The following ABCB8 variants were observed in gnomAD, a reference collection of about 807,000 sequenced individuals.
The protein encoded by ABCB8 is ATP binding cassette subfamily B member 8.
In ABCB8, 52 loss-of-function variants were observed where a neutral mutation model predicts 73.0. The observed-to-expected ratio is 0.71, with a 90% CI of 0.57 to 0.90. The LOEUF (loss-of-function observed/expected upper bound fraction) is 0.90, where lower values mean the gene tolerates loss of function less well. ABCB8 is among the 40% of genes least tolerant of loss of function. The pLI, the probability that ABCB8 is intolerant of heterozygous loss-of-function variation, is 0.00. For missense variants in ABCB8, 909 were observed against 974.6 expected, an observed-to-expected ratio of 0.93 and a Z score of 0.90; for synonymous variants, 428 against 423.5, an observed-to-expected ratio of 1.01 and a Z score of -0.13.
Position 151,047,410 on chromosome 7 carries a change from C to T in ABCB8, c.*2061C>T, listed in dbSNP as rs895685698. On this transcript the variant is annotated 3_prime_UTR_variant, in exon 16 of 16. Coordinates refer to ENST00000358849, the MANE Select transcript of ABCB8 (RefSeq NM_007188.5). ...TACAGTAAATACTTGCAAAGCATGG[C>T]ACTGTGGCTCTGGGGAGCTGGTACG... The T allele has an allele frequency of 8.5e-5, 13 of 152,234 alleles. No homozygotes were observed. Among genetic ancestry groups the T allele is most frequent in the Non-Finnish European group, 2.9e-5 (2 of 68,056 alleles). 9.4% of individuals were successfully genotyped at this position (152,234 alleles called of 1,614,324 possible). A position where few individuals can be genotyped will look rare whatever the true frequency, so the allele number is the denominator to read the frequency against.
chr7:151,044,336 C>G, intron 15 of ABCB8, 115 bp downstream of exon 15: 1 of 1,485,514 alleles, frequency 6.7e-7, no homozygotes, highest in South Asian at 1.3e-5. Context: ...GCCTTGGGGG[C>G]TATATTCTGG....
chr7:151,029,937 G>A (rs1796111577), intron 1 of ABCB8, among the ~76,000 whole-genome samples: 1 of 152,182 alleles, frequency 6.6e-6, no homozygotes, highest in Non-Finnish European at 1.5e-5. Flanking sequence ...GGATCGAGCT[G>A]GAGCTGGAAG....
intron 14 of ABCB8, among the ~76,000 whole-genome samples, chr7:151,043,168 A>G (rs1796513773): frequency 6.6e-6 from 1 of 152,058 alleles, no homozygotes; most frequent in South Asian, 2.1e-4. Context: ...GGAGGCTGGG[A>G]AGGTGGCTTG....
rs769957873 is a variant in ABCB8 at position 151,033,589 on chromosome 7, C to T, written c.96-16C>T. The stretch of plus-strand genomic sequence containing the variant: ...AGTCGGAGCCTCAAGCCATCCATGC[C>T]TCTCTCTCCTTACAGGTACTCTGAT... On this transcript the variant is annotated splice_polypyrimidine_tract_variant and intron_variant, in intron 1 of 15. Transcript: ENST00000358849. 1 of 1,536,604 alleles carries T rather than the reference C, an allele frequency of 6.5e-7. No individual in the cohort carries two copies. The highest frequency in any genetic ancestry group is 2.3e-5 in the East Asian group (1 of 43,942).
In ABCB8 at chr7:151,040,919, G is replaced by T; in HGVS notation, c.1480G>T (p.Gly494Ter). 6.2e-7 allele frequency: 1 copy of T among 1,601,192 alleles called. No homozygotes were observed. The highest frequency in any genetic ancestry group is 1.1e-5 in the South Asian group (1 of 89,608). Residue 494 changes from glycine (G) to a stop codon, truncating the protein, a stop_gained, in exon 12 of 16, where the codon GGA becomes TGA. Transcript: ENST00000358849. LOFTEE classifies it high-confidence loss of function. The stretch of plus-strand genomic sequence containing the variant: ...CGTGGCCCTCGTGGGCCAGTCTGGC[G>T]GAGGTAAGGGGAGCCCACCACCTCT... ...KIVALVGQSG[G>*]GKTTVASLLE...
intron 14 of ABCB8, among the ~76,000 whole-genome samples, chr7:151,043,030 G>T (rs1019790198): frequency 2.0e-5 from 3 of 152,226 alleles, no homozygotes; most frequent in Non-Finnish European, 4.4e-5. Flanking sequence ...TCACCTTGAG[G>T]TTCTTTTTGG....
chr7:151,032,315 C>G (rs903611467), intron 1 of ABCB8, among the ~76,000 whole-genome samples: 14 of 152,236 alleles, frequency 9.2e-5, no homozygotes, highest in African/African-American at 3.4e-4. Context: ...CTCCCGCACT[C>G]AAGCATGACT....
chr7:151,036,207 G>C lies in ABCB8; in HGVS notation c.1111+37G>C, dbSNP rs777908393. Reference sequence around the variant, plus strand: ...ATTTGGGGGCTGGAGGGGCGCTTGTGGGCTGGGGAGGAGCTGGGAGCAGCC... The same window carrying C: ...ATTTGGGGGCTGGAGGGGCGCTTGTCGGCTGGGGAGGAGCTGGGAGCAGCC... On this transcript the variant is annotated intron_variant, in intron 8 of 15. Transcript: ENST00000358849. 3 of 1,561,562 alleles carry C rather than the reference G, an allele frequency of 1.9e-6. No individual in the cohort carries two copies. In the Admixed American group the frequency reaches 5.4e-5, roughly 28 times the overall value.
Position 151,045,343 on chromosome 7 carries a change from G to T in ABCB8, c.2151G>T (p.Lys717Asn). 1.3e-6 allele frequency: 2 copies of T among 1,563,980 alleles called. No individual in the cohort carries two copies. Among genetic ancestry groups the T allele is most frequent in the Non-Finnish European group, 1.7e-6 (2 of 1,153,874 alleles). ...KPEGPRSHQH[K>N]S ...AAGGCCCCAGGAGCCACCAGCACAA[G>T]TCCTGAGAAGGGCCCCCTGAGGTGT... The change falls in exon 16 of 16, where the codon AAG (lysine) becomes AAT (asparagine). Residue 717 changes from lysine to asparagine, a missense_variant. Transcript: ENST00000358849.
At chr7:151,028,776 A>G (rs1796046921) in intron 1 of ABCB8, 166 bp downstream of exon 1, 1 of 1,538,718 alleles carries the variant, frequency 6.5e-7, no homozygotes, top group African/African-American at 1.4e-5. Flanking sequence ...TCAATTATTT[A>G]TAGTGACACT....
intron 1 of ABCB8, chr7:151,029,071 C>G: frequency 9.9e-7 from 1 of 1,009,280 alleles, no homozygotes; most frequent in Non-Finnish European, 1.2e-6. Context: ...CTCCTGTAAT[C>G]CCAGCACTTT....
Position 151,040,712 on chromosome 7 carries a change from G to A in ABCB8, c.1388+78G>A, listed in dbSNP as rs1288648845. The A allele has an allele frequency of 1.9e-6, 3 of 1,601,524 alleles. No individual in the cohort carries two copies. In the East Asian group the frequency reaches 6.7e-5, roughly 36 times the overall value. On this transcript the variant is annotated intron_variant, in intron 11 of 15. Coordinates refer to ENST00000358849, the MANE Select transcript of ABCB8 (RefSeq NM_007188.5). ...GAGTGGATTCGGGGGTGGAGGTCTG[G>A]ACTAATGTCCCCCATAAACAGGCCC...
chr7:151,030,951 A>C (rs1268585656), intron 1 of ABCB8, among the ~76,000 whole-genome samples: 1 of 152,206 alleles, frequency 6.6e-6, no homozygotes, highest in Non-Finnish European at 1.5e-5. Context: ...AAAAGAAAAG[A>C]AAAGAATCAG....
At chr7:151,040,998 G>GC (rs1796445901) in intron 12 of ABCB8, 76 bp downstream of exon 12, 1 of 1,607,664 alleles carries the variant, frequency 6.2e-7, no homozygotes, top group Admixed American at 1.7e-5. Context: ...GGAGCAGTGA[G>GC]CCCCCGGTGG....
intron 1 of ABCB8, among the ~76,000 whole-genome samples, chr7:151,030,510 C>CAAATAAAT (rs59305252): frequency 6.0e-5 from 9 of 150,256 alleles, no homozygotes; most frequent in African/African-American, 7.4e-5. Flanking sequence ...GACTCCGTCT[C>CAAATAAAT]AAATAAATAA....
rs1434995409 is a variant in ABCB8, at chr7:151,046,203, C to G, written c.*854C>G. 2 of 152,362 alleles carry G rather than the reference C, an allele frequency of 1.3e-5. No individual in the cohort carries two copies. Among genetic ancestry groups the G allele is most frequent in the East Asian group, 3.8e-4 (2 of 5,208 alleles). The allele number at this position is 152,362 out of a possible 1,614,324, so 9.4% of individuals were successfully genotyped here. A position where few individuals can be genotyped will look rare whatever the true frequency, so the allele number is the denominator to read the frequency against. On this transcript the variant is annotated 3_prime_UTR_variant, in exon 16 of 16. Coordinates refer to ENST00000358849, the MANE Select transcript of ABCB8 (RefSeq NM_007188.5). ...CCAGCACTGAAGGAGATGGGAGGGG[C>G]TGATGCCCACCTGGAGCTCTCTGCT...
rs765868774 is a variant in ABCB8, at chr7:151,033,639, C to T, written c.130C>T (p.Arg44Trp). The change falls in exon 2 of 16, where the codon CGG becomes TGG. Residue 44 changes from arginine (R) to tryptophan (W), a missense_variant. Coordinates refer to ENST00000358849, the MANE Select transcript of ABCB8 (RefSeq NM_007188.5). ...SDGYRSSSLLRAVAHLRSQLW... is the reference protein window; with the variant it reads ...SDGYRSSSLLWAVAHLRSQLW... ...TGGCTACCGCAGCTCCTCCCTCCTC[C>T]GGGCCGTGGCCCACCTGCGGTCCCA... 92 of 1,598,616 alleles carry T rather than the reference C, an allele frequency of 5.8e-5. No homozygotes were observed. The highest frequency in any genetic ancestry group is 1.7e-4 in the Middle Eastern group (1 of 6,004).
At position 151,047,399 on chromosome 7, in the gene ABCB8, G is replaced by A. The variant is rs937111704; in HGVS notation, c.*2050G>A. 2 of 152,244 alleles carry A rather than the reference G, an allele frequency of 1.3e-5. No homozygotes were observed. Among genetic ancestry groups the A allele is most frequent in the Admixed American group, 6.5e-5 (1 of 15,286 alleles). The allele number at this position is 152,244 out of a possible 1,614,324, so 9.4% of individuals were successfully genotyped here. A position where few individuals can be genotyped will look rare whatever the true frequency, so the allele number is the denominator to read the frequency against. On this transcript the variant is annotated 3_prime_UTR_variant, in exon 16 of 16. Coordinates refer to ENST00000358849, the MANE Select transcript of ABCB8 (RefSeq NM_007188.5). ...GTGGGATCATCTACAGTAAATACTT[G>A]CAAAGCATGGCACTGTGGCTCTGGG...
chr7:151,040,214 C>A, intron 9 of ABCB8, 54 bp from the exon 10 acceptor site: 1 of 1,596,246 alleles, frequency 6.3e-7, no homozygotes. Context: ...TCCTTCCCCT[C>A]CTCTGGCTCT....
Sources: allele counts gnomAD v4.1 joint callset (sites outside exome capture counted in the v4.1 genomes callset), GRCh38; gene constraint gnomAD v4.1.1; transcripts MANE v1.5; gene names NCBI Gene and HGNC (gene_info 2026-07-23, HGNC 2026-07-21).